Variants in BNIP5 observed in about 807,000 individuals in gnomAD.
BNIP5 encodes BCL2 interacting protein 5.
Under a neutral mutation model 67.3 loss-of-function variants are expected in BNIP5, and 61 were observed. The ratio of observed to expected loss-of-function variants is 0.91; its 90% CI spans 0.74 to 1.12. BNIP5 has a LOEUF of 1.12. BNIP5 is among the 50% of genes most tolerant of loss of function. The pLI, the probability that BNIP5 is intolerant of heterozygous loss-of-function variation, is 0.00. For missense variants in BNIP5, 826 were observed against 816.3 expected (o/e 1.01, Z -0.14); for synonymous variants, 317 against 319.0 (o/e 0.99, Z 0.07).
In BNIP5 at chr6:36,317,018, C is replaced by T. The variant is rs564430764; in HGVS notation, c.*338G>A. Reference sequence around the variant, plus strand: ...ATCTGAGAAAATATCAGTAGGCCTTCTGGGTGGGATCCTAGACTCCAAAGT... The same window carrying T: ...ATCTGAGAAAATATCAGTAGGCCTTTTGGGTGGGATCCTAGACTCCAAAGT... On this transcript the variant is annotated 3_prime_UTR_variant, in exon 12 of 12. Coordinates refer to ENST00000437635, the MANE Select transcript of BNIP5 (RefSeq NM_001010903.5). 73 of 435,436 alleles carry T rather than the reference C, an allele frequency of 1.7e-4. No individual in the cohort carries two copies. The highest frequency in any genetic ancestry group is 1.4e-3 in the African/African-American group (68 of 49,530). 27.0% of individuals were successfully genotyped at this position (435,436 alleles called of 1,614,324 possible).
intron 5 of BNIP5, 110 bp from the exon 6 acceptor site, chr6:36,325,524 G>T (rs1771743362): frequency 1.5e-6 from 2 of 1,322,934 alleles, no homozygotes; most frequent in Non-Finnish European, 2.1e-6. Context: ...TCACATTAAG[G>T]ACTTATGGGG....
chr6:36,333,864 A>G (rs1404636397), intron 1 of BNIP5, among the ~76,000 whole-genome samples: 1 of 152,234 alleles, frequency 6.6e-6, no homozygotes, highest in African/African-American at 2.4e-5. Flanking sequence ...TCCTGTGGTC[A>G]GGGAAAATTG....
chr6:36,329,727 A>C (rs564389101), intron 2 of BNIP5, among the ~76,000 whole-genome samples: 1 of 152,170 alleles, frequency 6.6e-6, no homozygotes, highest in East Asian at 1.9e-4. Context: ...CAGGAGAATC[A>C]CTTGACCCTG....
Position 36,330,627 on chromosome 6 carries a change from G to A in BNIP5, c.64C>T (p.Pro22Ser), listed in dbSNP as rs1302725771. The A allele has an allele frequency of 6.2e-7, 1 of 1,608,226 alleles. No homozygotes were observed. The highest frequency in any genetic ancestry group is 8.5e-7 in the Non-Finnish European group (1 of 1,179,972). Residue 22 changes from proline to serine, a missense_variant, in exon 2 of 12, where the codon CCG becomes TCG. Coordinates refer to ENST00000437635, the MANE Select transcript of BNIP5 (RefSeq NM_001010903.5). ...AEKKARSLDR[P>S]QAPGKGSESW... Reference sequence around the variant, plus strand: ...TCCGAGCCTTTCCCGGGGGCCTGCGGCCTGTCCAGAGACCTGGCTTTCTTC... The same window carrying A: ...TCCGAGCCTTTCCCGGGGGCCTGCGACCTGTCCAGAGACCTGGCTTTCTTC...
At chr6:36,330,715 T>C (rs1771885437) in intron 1 of BNIP5, 21 bp from the exon 2 acceptor site, 2 of 1,523,976 alleles carry the variant, frequency 1.3e-6, no homozygotes, top group East Asian at 4.5e-5. Context: ...AACACACAGC[T>C]CCCTTAGTTT....
Position 36,324,715 on chromosome 6 carries a change from G to A in BNIP5, c.1169-525C>T, listed in dbSNP as rs1310062365. On this transcript the variant is annotated intron_variant, in intron 6 of 11. Transcript: ENST00000437635. ...AGCGATGGCAGCTGCCATTAGCTGAGCTTCCCTCCCAAGGCCCCTACCCCT... is the reference window on the plus strand; with the variant it reads ...AGCGATGGCAGCTGCCATTAGCTGAACTTCCCTCCCAAGGCCCCTACCCCT... Among the ~76,000 whole-genome samples, 4 of 142,642 alleles carry A rather than the reference G, an allele frequency of 2.8e-5. 1 individual carries two copies. The Admixed American group carries it at 2.9e-4, about 10-fold the overall frequency. 93.6% of individuals were successfully genotyped at this position (142,642 alleles called of 152,430 possible).
rs1265628496 is a variant in BNIP5, at chr6:36,317,052, GA to G, written c.*303del. 1 of 467,294 alleles carries G rather than the reference GA, an allele frequency of 2.1e-6. No homozygotes were observed. The highest frequency in any genetic ancestry group is 2.0e-5 in the African/African-American group (1 of 50,198). The allele number at this position is 467,294 out of a possible 1,614,324, so 28.9% of individuals were successfully genotyped here. A position where few individuals can be genotyped will look rare whatever the true frequency, so the allele number is the denominator to read the frequency against. On this transcript the variant is annotated 3_prime_UTR_variant, in exon 12 of 12. Coordinates refer to ENST00000437635, the MANE Select transcript of BNIP5 (RefSeq NM_001010903.5). ...ATCCTAGACTCCAAAGTCTGGAGAG[GA>G]GGGGGAATGTGTAGAGGGTCATGCA...
rs1771864079 is a variant in BNIP5 at position 36,330,331 on chromosome 6, G to A, written c.360C>T (p.Ser120=). The A allele has an allele frequency of 6.2e-7, 1 of 1,614,180 alleles. No individual in the cohort carries two copies. Among genetic ancestry groups the A allele is most frequent in the Non-Finnish European group, 8.5e-7 (1 of 1,180,026 alleles). ...TACCCTCCTTCCCCCTTGGCCTCCT[G>A]CTGGCCTTTTCTCTGGGCTCCTCAG... ...TGPEEPREKA[S]RRPRGKEGIS... The change falls in exon 2 of 12, where the codon AGC becomes AGT. Residue 120 remains serine (S), a synonymous_variant. Coordinates refer to ENST00000437635, the MANE Select transcript of BNIP5 (RefSeq NM_001010903.5).
chr6:36,319,688 T>C (rs1169541716), intron 10 of BNIP5, 78 bp from the exon 11 acceptor site: 2 of 1,530,418 alleles, frequency 1.3e-6, no homozygotes, highest in East Asian at 4.5e-5. Flanking sequence ...CACAACTCCA[T>C]GCAGCCAGGC....
chr6:36,323,349 G>A lies in BNIP5; in HGVS notation c.1415C>T (p.Pro472Leu), dbSNP rs1489006326. 1 of 1,614,272 alleles carries A rather than the reference G, an allele frequency of 6.2e-7. No individual in the cohort carries two copies. The highest frequency in any genetic ancestry group is 1.7e-5 in the Admixed American group (1 of 60,036). ...ACCAACACACAGGGGCAGAAAGCTG[G>A]GCCTCTTGGGTCGTCGGGCCTCTGG... ...ASPEARRPKR[P>L]SFLPLCVGGH... The change falls in exon 8 of 12, where the codon CCC becomes CTC. Residue 472 changes from proline to leucine, a missense_variant. Physicochemically the swap from Pro to Leu is moderately conservative, Grantham distance 98. Coordinates refer to ENST00000437635, the MANE Select transcript of BNIP5 (RefSeq NM_001010903.5).
chr6:36,324,265 G>T, intron 6 of BNIP5, 75 bp from the exon 7 acceptor site: 1 of 1,316,234 alleles, frequency 7.6e-7, no homozygotes, highest in Non-Finnish European at 1.1e-6. Flanking sequence ...ATTTCCTAAT[G>T]CCCCGGTGGC....
intron 2 of BNIP5, among the ~76,000 whole-genome samples, chr6:36,329,069 T>C (rs745568237): frequency 1.2e-4 from 19 of 152,200 alleles, no homozygotes; most frequent in Non-Finnish European, 2.4e-4. Context: ...GGAAGGCACC[T>C]TGGGAGCCAG....
At position 36,319,565 on chromosome 6, in the gene BNIP5, C is replaced by A. The variant is rs1771591049; in HGVS notation, c.1714G>T (p.Asp572Tyr). The change falls in exon 11 of 12, where the codon GAC (aspartate) becomes TAC (tyrosine). Residue 572 changes from aspartate to tyrosine, a missense_variant. Coordinates refer to ENST00000437635, the MANE Select transcript of BNIP5 (RefSeq NM_001010903.5). ...GCTACCAGCTTGCTGAGGGAGGAGT[C>A]CGAGAACTCGTAAAAAAACCTCTTA... Reference protein sequence around the residue: ...SFKRFFYEFSDSSLSKLVATL... With the variant: ...SFKRFFYEFSYSSLSKLVATL... The A allele has an allele frequency of 3.1e-6, 5 of 1,613,688 alleles. No homozygotes were observed. Among genetic ancestry groups the A allele is most frequent in the African/African-American group, 1.3e-5 (1 of 74,874 alleles).
intron 11 of BNIP5, among the ~76,000 whole-genome samples, chr6:36,318,485 A>T (rs1047541066): frequency 2.6e-5 from 4 of 151,734 alleles, no homozygotes; most frequent in Admixed American, 1.3e-4. Context: ...AGGTGGGAAG[A>T]TTTCTTGTGG....
At chr6:36,332,146 T>A (rs1582137176) in intron 1 of BNIP5, among the ~76,000 whole-genome samples, 1 of 152,072 alleles carries the variant, frequency 6.6e-6, no homozygotes, top group African/African-American at 2.4e-5. Context: ...TCTGACCACA[T>A]CTCTCTCACT....
chr6:36,328,476 G>T, intron 3 of BNIP5, 122 bp downstream of exon 3: 2 of 646,798 alleles, frequency 3.1e-6, no homozygotes, highest in South Asian at 2.0e-5. Flanking sequence ...GGCAAGAAAG[G>T]CCAGTGCATG....
intron 4 of BNIP5, 40 bp from the exon 5 acceptor site, chr6:36,326,793 CTG>C (rs890621362): frequency 1.9e-5 from 31 of 1,610,758 alleles, no homozygotes; most frequent in Non-Finnish European, 2.6e-5. Context: ...GTTCATGACA[CTG>C]AGAGGGGGAA....
At position 36,330,022 on chromosome 6, in the gene BNIP5, C is replaced by T. The variant is rs182227240; in HGVS notation, c.610+59G>A. ...ATCCCTGTCCCTCTGTGGAGAGGCT[C>T]CTGGAGCAAGTTTAGAGCACCCTAG... On this transcript the variant is annotated intron_variant, in intron 2 of 11. Coordinates refer to ENST00000437635, the MANE Select transcript of BNIP5 (RefSeq NM_001010903.5). 203 of 1,510,238 alleles carry T rather than the reference C, an allele frequency of 1.3e-4. No homozygotes were observed. The African/African-American group carries it at 2.2e-3, about 16-fold the overall frequency. 93.6% of individuals were successfully genotyped at this position (1,510,238 alleles called of 1,614,324 possible).
In BNIP5 at chr6:36,330,233, T is replaced by TC; in HGVS notation, c.457_458insG (p.Lys153ArgfsTer18). 1 of 1,614,134 alleles carries TC rather than the reference T, an allele frequency of 6.2e-7. No homozygotes were observed. The highest frequency in any genetic ancestry group is 8.5e-7 in the Non-Finnish European group (1 of 1,180,020). ...GTGACCTTGCTTCTTGCGGCTGGGC[T>TC]TCTTGTCGTGGTGGGCTTTCTTCCT... On this transcript the variant is annotated frameshift_variant, in exon 2 of 12. Transcript: ENST00000437635. LOFTEE classifies it high-confidence loss of function.
Sources: gnomAD v4.1 joint callset for allele counts (sites outside exome capture counted in the v4.1 genomes callset) on GRCh38, gnomAD v4.1.1 for gene constraint, MANE v1.5 for transcripts, NCBI Gene and HGNC (gene_info 2026-07-23, HGNC 2026-07-21) for gene names.